BCAS3: variants seen among roughly 807,000 people sequenced by gnomAD.
BCAS3 encodes BCAS3 microtubule associated cell migration factor.
Under a neutral mutation model 116.1 loss-of-function variants are expected in BCAS3, and 53 were observed. The ratio of observed to expected loss-of-function variants is 0.46; its 90% CI spans 0.37 to 0.57. BCAS3 has a LOEUF of 0.57. BCAS3 is among the 20% of genes least tolerant of loss of function. The probability of loss-of-function intolerance (pLI) is 0.00; values close to 1 mark genes in which losing one functional copy is unlikely to be tolerated. For synonymous variants in BCAS3, 391 were observed against 408.2 expected, an observed-to-expected ratio of 0.96 and a Z score of 0.51; for missense variants, 917 against 1,165.4, an observed-to-expected ratio of 0.79 and a Z score of 3.10.
chr17:61,173,909 A>G (rs1601723966), intron 22 of BCAS3, among the ~76,000 whole-genome samples: 1 of 152,162 alleles, frequency 6.6e-6, no homozygotes, highest in Non-Finnish European at 1.5e-5. Context: ...ACGATAATAC[A>G]GATCAAAGTG....
chr17:60,744,257 G>A (rs2144245101), intron 5 of BCAS3, among the ~76,000 whole-genome samples: 1 of 152,172 alleles, frequency 6.6e-6, no homozygotes, highest in Admixed American at 6.5e-5. Flanking sequence ...CTTCTTTTCA[G>A]GATCTAGAAA....
At chr17:60,776,714 G>C (rs1372550726) in intron 6 of BCAS3, among the ~76,000 whole-genome samples, 1 of 121,544 alleles carries the variant, frequency 8.2e-6, no homozygotes, top group South Asian at 2.7e-4. Context: ...GTGAGACTCC[G>C]TCTCAAAAAA....
At chr17:60,837,568 G>A (rs1408522484) in intron 7 of BCAS3, among the ~76,000 whole-genome samples, 2 of 152,058 alleles carry the variant, frequency 1.3e-5, no homozygotes, top group Non-Finnish European at 2.9e-5. Flanking sequence ...CTAACTAATT[G>A]GAAAGTTTTT....
At chr17:61,092,474 A>G (rs907064563) in intron 22 of BCAS3, among the ~76,000 whole-genome samples, 2 of 152,142 alleles carry the variant, frequency 1.3e-5, no homozygotes, top group Non-Finnish European at 2.9e-5. Context: ...TGACTGTACC[A>G]TTTTGCATTC....
rs141910155 is a variant in BCAS3 at position 60,815,340 on chromosome 17, T to C, written c.476+7264T>C. On this transcript the variant is annotated intron_variant, in intron 7 of 23. Transcript: ENST00000407086. ...GAATAGCATTAGGAGATATACCTAA[T>C]ATAAATGACGAGTTAATGGGTGCAG... 4.0e-4 allele frequency among the ~76,000 whole-genome samples: 61 copies of C among 152,100 alleles called. 1 individual carries two copies. The highest frequency in any genetic ancestry group is 1.2e-3 in the African/African-American group (48 of 41,490).
chr17:61,080,263 T>G (rs917699816), intron 21 of BCAS3, among the ~76,000 whole-genome samples: 1 of 152,146 alleles, frequency 6.6e-6, no homozygotes, highest in Non-Finnish European at 1.5e-5. Context: ...GAGGTTATCC[T>G]TGAAATCTCT....
intron 13 of BCAS3, among the ~76,000 whole-genome samples, chr17:60,943,027 A>G (rs1188986878): frequency 6.6e-6 from 1 of 152,194 alleles, no homozygotes; most frequent in Non-Finnish European, 1.5e-5. Flanking sequence ...ATTTATTTTT[A>G]ACATTCAACA....
rs1466044225 is a variant in BCAS3, at chr17:60,747,188, T to C, written c.322-10T>C. The C allele has an allele frequency of 6.3e-6, 10 of 1,593,700 alleles. No individual in the cohort carries two copies. Among genetic ancestry groups the C allele is most frequent in the Non-Finnish European group, 8.6e-6 (10 of 1,162,950 alleles). On this transcript the variant is annotated splice_polypyrimidine_tract_variant and intron_variant, in intron 5 of 23. Coordinates refer to ENST00000407086, the MANE Select transcript of BCAS3 (RefSeq NM_017679.5). ...TCCCACTGAAATATTTTCTTTCTTC[T>C]CTTATGCAGATCAGTGGTGAAGCAC...
At chr17:60,927,542 A>C (rs954453758) in intron 13 of BCAS3, among the ~76,000 whole-genome samples, 3 of 152,184 alleles carry the variant, frequency 2.0e-5, no homozygotes, top group Non-Finnish European at 2.9e-5. Flanking sequence ...GGCATGAGCC[A>C]CCACCCCTGG....
intron 22 of BCAS3, among the ~76,000 whole-genome samples, chr17:61,283,732 CG>C (rs1568748224): frequency 6.6e-6 from 1 of 152,054 alleles, no homozygotes; most frequent in African/African-American, 2.4e-5. Context: ...AGATTACAGG[CG>C]TGAGCCACCG....
intron 4 of BCAS3, among the ~76,000 whole-genome samples, chr17:60,705,354 A>G (rs1305370629): frequency 6.6e-6 from 1 of 152,070 alleles, no homozygotes; most frequent in Non-Finnish European, 1.5e-5. Flanking sequence ...CCCTGTCTCT[A>G]CTAAAAATAC....
rs997377577 is a variant in BCAS3, at chr17:60,688,309, A to G, written c.139-1377A>G. On this transcript the variant is annotated intron_variant, in intron 3 of 23. Coordinates refer to ENST00000407086, the MANE Select transcript of BCAS3 (RefSeq NM_017679.5). ...TTAGATTAGATAATATTAGGGGAGA[A>G]TTTTTTTTTTGAGACAGGGTCTTGC... 2.0e-5 allele frequency: 3 copies of G among 149,734 alleles called. No homozygotes were observed. The Admixed American group carries it at 2.0e-4, about 10-fold the overall frequency. 9.3% of individuals were successfully genotyped at this position (149,734 alleles called of 1,614,324 possible). A position where few individuals can be genotyped will look rare whatever the true frequency, so the allele number is the denominator to read the frequency against.
intron 22 of BCAS3, among the ~76,000 whole-genome samples, chr17:61,175,446 G>A (rs908612070): frequency 1.3e-5 from 2 of 151,998 alleles, no homozygotes; most frequent in Non-Finnish European, 2.9e-5. Context: ...GTTGAGATCA[G>A]TAACTCACAT....
intron 14 of BCAS3, among the ~76,000 whole-genome samples, chr17:60,988,565 T>G (rs935844157): frequency 6.6e-6 from 1 of 151,984 alleles, no homozygotes; most frequent in Non-Finnish European, 1.5e-5. Flanking sequence ...ACATCTTCAG[T>G]CGCATTACTT....
At chr17:61,372,644 A>G (rs1198406946) in intron 23 of BCAS3, among the ~76,000 whole-genome samples, 1 of 152,038 alleles carries the variant, frequency 6.6e-6, no homozygotes, top group Non-Finnish European at 1.5e-5. Flanking sequence ...GCCCTGGGCC[A>G]GCTCCAGCCA....
At chr17:60,876,686 C>A (rs1024077463) in intron 9 of BCAS3, among the ~76,000 whole-genome samples, 6 of 152,082 alleles carry the variant, frequency 3.9e-5, no homozygotes, top group African/African-American at 1.2e-4. Context: ...TAACAGACCT[C>A]ATTTGTTAAC....
intron 20 of BCAS3, among the ~76,000 whole-genome samples, chr17:61,076,456 T>C (rs1470094411): frequency 6.6e-6 from 1 of 152,234 alleles, no homozygotes; most frequent in East Asian, 1.9e-4. Flanking sequence ...AAGTTGATTC[T>C]TCAGTTCCTG....
chr17:60,709,053 T>C (rs1208611811), intron 4 of BCAS3, among the ~76,000 whole-genome samples, 166 bp from the exon 5 acceptor site: 2 of 152,024 alleles, frequency 1.3e-5, no homozygotes, highest in African/African-American at 4.8e-5. Flanking sequence ...TATAAGGAAA[T>C]AGATAGCCAG....
chr17:60,982,437 A>G (rs915681823), intron 14 of BCAS3, among the ~76,000 whole-genome samples: 9 of 152,210 alleles, frequency 5.9e-5, no homozygotes, highest in Non-Finnish European at 1.3e-4. Flanking sequence ...CCTCCTGAGT[A>G]GCTGGAGCTA....
Sources: allele counts gnomAD v4.1 joint callset (sites outside exome capture counted in the v4.1 genomes callset), GRCh38; gene constraint gnomAD v4.1.1; transcripts MANE v1.5; gene names NCBI Gene and HGNC (gene_info 2026-07-23, HGNC 2026-07-21).